METTL15: variants seen among roughly 807,000 people sequenced by gnomAD.
METTL15 encodes methyltransferase 15, mitochondrial 12S rRNA N4-cytidine, also known as 12S rRNA N(4)-cytidine methyltransferase METTL15.
METTL15 carries 34 observed loss-of-function variants against 38.3 expected under a neutral mutation model. The ratio of observed to expected loss-of-function variants is 0.89; its 90% CI spans 0.68 to 1.18. METTL15 has a LOEUF of 1.18. Ranked by LOEUF, METTL15 falls within the 50% of genes most tolerant of loss-of-function variation. METTL15 has a pLI of 0.00. For synonymous variants in METTL15, 162 were observed against 170.9 expected (o/e 0.95, Z 0.41); for missense variants, 438 against 498.4 (o/e 0.88, Z 1.15).
At chr11:28,220,783 C>G (rs747604021) in intron 4 of METTL15, among the ~76,000 whole-genome samples, 16 of 152,078 alleles carry the variant, frequency 1.1e-4, no homozygotes, top group Non-Finnish European at 1.9e-4. Flanking sequence ...TCAGTATTTG[C>G]TTGTCTGTAA....
At chr11:28,439,201 G>C (rs1393034365) in intron 6 of METTL15, among the ~76,000 whole-genome samples, 1 of 152,120 alleles carries the variant, frequency 6.6e-6, no homozygotes, top group African/African-American at 2.4e-5. Flanking sequence ...GGGAACAATT[G>C]AAGTCCTAAA....
intron 6 of METTL15, among the ~76,000 whole-genome samples, chr11:28,449,116 C>A (rs944230827): frequency 6.6e-6 from 1 of 152,058 alleles, no homozygotes; most frequent in Non-Finnish European, 1.5e-5. Flanking sequence ...GGGATCATTG[C>A]GCTATTTTAG....
At chr11:28,465,917 A>G (rs1398015534) in intron 6 of METTL15, among the ~76,000 whole-genome samples, 1 of 152,198 alleles carries the variant, frequency 6.6e-6, no homozygotes, top group African/African-American at 2.4e-5. Flanking sequence ...AATAGCCCCC[A>G]GTTGAGAATC....
chr11:28,502,100 C>CAAAA (rs371738355), intron 6 of METTL15, among the ~76,000 whole-genome samples: 5 of 121,058 alleles, frequency 4.1e-5, no homozygotes, highest in African/African-American at 1.6e-4. Context: ...GACTCTGTCT[C>CAAAA]AAAAAAAAAA....
intron 3 of METTL15, chr11:28,144,761 C>A (rs1849821297): frequency 6.6e-6 from 1 of 152,650 alleles, no homozygotes; most frequent in Non-Finnish European, 1.5e-5. Context: ...ATTTTATGTC[C>A]TTTCTTTTGA....
chr11:28,314,235 C>G (rs1216629357), intron 6 of METTL15, among the ~76,000 whole-genome samples: 1 of 152,120 alleles, frequency 6.6e-6, no homozygotes, highest in Non-Finnish European at 1.5e-5. Flanking sequence ...GCTTATATGT[C>G]AGTAGGAAAG....
chr11:28,334,559 C>G, downstream of METTL15, among the ~76,000 whole-genome samples: 2 of 152,144 alleles, frequency 1.3e-5, no homozygotes, highest in Non-Finnish European at 2.9e-5. Context: ...ATATTTTTCT[C>G]ATAACCACAA....
intron 3 of METTL15, among the ~76,000 whole-genome samples, chr11:28,208,350 C>T (rs1243105367): frequency 1.3e-5 from 2 of 152,046 alleles, no homozygotes; most frequent in East Asian, 3.9e-4. Flanking sequence ...TTTATTTCTG[C>T]CTTCATTTCG....
chr11:28,291,029 A>G (rs1856491119), intron 5 of METTL15, among the ~76,000 whole-genome samples: 1 of 151,398 alleles, frequency 6.6e-6, no homozygotes, highest in Non-Finnish European at 1.5e-5. Flanking sequence ...TATTCTAGGA[A>G]AGTGTAGAAA....
intron 6 of METTL15, among the ~76,000 whole-genome samples, chr11:28,467,407 G>A (rs1209687975): frequency 6.6e-6 from 1 of 152,184 alleles, no homozygotes; most frequent in African/African-American, 2.4e-5. Flanking sequence ...CAGCTCCCAG[G>A]CCTTCGACAA....
chr11:28,205,152 A>G (rs1308450885), intron 3 of METTL15, among the ~76,000 whole-genome samples: 2 of 151,866 alleles, frequency 1.3e-5, no homozygotes, highest in Non-Finnish European at 2.9e-5. Context: ...CATGTGCACA[A>G]TGTGCAGGTT....
At chr11:28,127,997 A>T (rs915824120) in intron 3 of METTL15, among the ~76,000 whole-genome samples, 9 of 152,248 alleles carry the variant, frequency 5.9e-5, no homozygotes, top group African/African-American at 1.9e-4. Flanking sequence ...AGACTGGTAA[A>T]TTAAGTGTCA....
At chr11:28,144,017 TATC>T (rs1849793652) in intron 3 of METTL15, among the ~76,000 whole-genome samples, 4 of 152,164 alleles carry the variant, frequency 2.6e-5, no homozygotes, top group Admixed American at 2.6e-4. Flanking sequence ...TTATGGTCCT[TATC>T]ATTGCTATAA....
intron 3 of METTL15, among the ~76,000 whole-genome samples, chr11:28,139,772 T>G (rs780454407): frequency 6.6e-6 from 1 of 150,964 alleles, no homozygotes; most frequent in African/African-American, 2.4e-5. Flanking sequence ...AAAACAAAAC[T>G]CTTGCATAGA....
At position 28,207,170 on chromosome 11, in the gene METTL15, C is replaced by T. The variant is rs1016469704; in HGVS notation, c.271-3892C>T. 2.0e-5 allele frequency among the ~76,000 whole-genome samples: 3 copies of T among 150,748 alleles called. No homozygotes were observed. In the East Asian group the frequency reaches 6.1e-4, roughly 31 times the overall value. ...ATTGAGTAGGAGTGGTGAGAGAGGG[C>T]ATCCGTGTCTTGTGCCAGTTTTCAA... On this transcript the variant is annotated intron_variant, in intron 3 of 6. Transcript: ENST00000407364.
chr11:28,404,964 G>T (rs1268602771), intron 5 of METTL15, among the ~76,000 whole-genome samples: 1 of 152,064 alleles, frequency 6.6e-6, no homozygotes, highest in Non-Finnish European at 1.5e-5. Flanking sequence ...ACCAATCATA[G>T]AAAGACTGAT....
At chr11:28,500,027 G>A (rs1475968381) in intron 6 of METTL15, among the ~76,000 whole-genome samples, 1 of 145,366 alleles carries the variant, frequency 6.9e-6, no homozygotes, top group Non-Finnish European at 1.5e-5. Context: ...TTTTTTGTCT[G>A]TGGCAAATCC....
At chr11:28,484,105 GTGA>G (rs1851418863) in intron 6 of METTL15, among the ~76,000 whole-genome samples, 1 of 152,136 alleles carries the variant, frequency 6.6e-6, no homozygotes, top group Non-Finnish European at 1.5e-5. Context: ...AACGGTGATG[GTGA>G]TGATAATAAT....
chr11:28,248,382 GTC>G (rs1854600691), intron 4 of METTL15, among the ~76,000 whole-genome samples: 1 of 152,054 alleles, frequency 6.6e-6, no homozygotes, highest in Admixed American at 6.6e-5. Flanking sequence ...TTTCCCATCT[GTC>G]TACGATCACC....
Sources: gnomAD v4.1 joint callset for allele counts (sites outside exome capture counted in the v4.1 genomes callset) on GRCh38, gnomAD v4.1.1 for gene constraint, MANE v1.5 for transcripts, NCBI Gene and HGNC (gene_info 2026-07-23, HGNC 2026-07-21) for gene names.